HPS5: variants seen among roughly 807,000 people sequenced by gnomAD.
HPS5 encodes BLOC-2 complex member HPS5.
In HPS5, 83 loss-of-function variants were observed where a neutral mutation model predicts 128.0. The observed-to-expected ratio is 0.65, with a 90% CI of 0.54 to 0.78. HPS5 has a LOEUF of 0.78. HPS5 is among the 30% of genes least tolerant of loss of function. The pLI is 0.00. For synonymous variants in HPS5, 475 were observed against 470.2 expected, an observed-to-expected ratio of 1.01 and a Z score of -0.13; for missense variants, 1,281 against 1,326.2, an observed-to-expected ratio of 0.97 and a Z score of 0.53.
chr11:18,297,851 G>A lies in HPS5; in HGVS notation c.1165-134C>T, dbSNP rs770207061. ...TCCCAGCACTCTGGGAGGCCGAGGC[G>A]GGCAGATCCCCCGAGGTCAGGAGTT... On this transcript the variant is annotated intron_variant, in intron 10 of 22. Transcript: ENST00000349215. 3.6e-5 allele frequency: 29 copies of A among 799,236 alleles called. 1 individual carries two copies. The highest frequency in any genetic ancestry group is 5.2e-5 in the Non-Finnish European group (25 of 479,904). The allele number at this position is 799,236 out of a possible 1,614,324, so 49.5% of individuals were successfully genotyped here. A position where few individuals can be genotyped will look rare whatever the true frequency, so the allele number is the denominator to read the frequency against.
chr11:18,306,288 A>G lies in HPS5; in HGVS notation c.671T>C (p.Phe224Ser). Residue 224 changes from phenylalanine (F) to serine (S), a missense_variant, in exon 7 of 23, where the codon TTT (phenylalanine) becomes TCT (serine). Transcript: ENST00000349215. ...CTGGCCCCCAGAACATCTTCCAGGAAAGAAACAAGCTCCATATTCTCCATC... is the reference window on the plus strand; with the variant it reads ...CTGGCCCCCAGAACATCTTCCAGGAGAGAAACAAGCTCCATATTCTCCATC... The part of the protein sequence containing the change: ...ERDGEYGACF[F>S]PGRCSGGQQP... 1 of 1,614,188 alleles carries G rather than the reference A, an allele frequency of 6.2e-7. No individual in the cohort carries two copies. Among genetic ancestry groups the G allele is most frequent in the Non-Finnish European group, 8.5e-7 (1 of 1,180,018 alleles).
chr11:18,300,867 G>T lies in HPS5; in HGVS notation c.946C>A (p.Pro316Thr). 6.3e-7 allele frequency: 1 copy of T among 1,598,944 alleles called. No individual in the cohort carries two copies. The highest frequency in any genetic ancestry group is 8.6e-7 in the Non-Finnish European group (1 of 1,166,358). Residue 316 changes from proline (P) to threonine (T), a missense_variant, in exon 9 of 23, where the codon CCT becomes ACT. By Grantham distance (38) the Pro-to-Thr change is conservative (BLOSUM62 -1). Transcript: ENST00000349215. ...WTERGIYIFIPQNVQVLLWSE... is the reference protein window; with the variant it reads ...WTERGIYIFITQNVQVLLWSE... ...CAAAGAAGAACTTGAACATTCTGAG[G>T]AATGAAAATATAAATTCCTCTTTCT...
At chr11:18,286,525 G>A (rs1216509570) in intron 19 of HPS5, 66 bp downstream of exon 19, 3 of 1,494,306 alleles carry the variant, frequency 2.0e-6, no homozygotes, top group Non-Finnish European at 2.8e-6. Flanking sequence ...CTAGGCGACA[G>A]AGTGAGATCC....
rs1027921232 is a variant in HPS5 at position 18,296,032 on chromosome 11, G to C, written c.1601C>G (p.Ser534Cys). The change falls in exon 13 of 23, where the codon TCT becomes TGT. Residue 534 changes from serine to cysteine, a missense_variant. Transcript: ENST00000349215. ...FGIPLPFRSP[S>C]PLVSLQAVKE... ...GACAGCCTGAAGAGACACAAGAGGA[G>C]ATGGAGAACGAAATGGTAATGGAAT... 2 of 1,613,714 alleles carry C rather than the reference G, an allele frequency of 1.2e-6. No homozygotes were observed. Among genetic ancestry groups the C allele is most frequent in the Non-Finnish European group, 1.7e-6 (2 of 1,179,636 alleles).
chr11:18,315,391 TTGTC>T (rs1397386298), intron 2 of HPS5, among the ~76,000 whole-genome samples: 2 of 151,962 alleles, frequency 1.3e-5, no homozygotes, highest in African/African-American at 2.4e-5. Context: ...GGCAAGAGGA[TTGTC>T]TGAGGCTAGG....
rs1454431203 is a variant in HPS5 at position 18,299,742 on chromosome 11, G to T, written c.986-772C>A. 3.3e-5 allele frequency among the ~76,000 whole-genome samples: 5 copies of T among 152,246 alleles called. No individual in the cohort carries two copies. In the East Asian group the frequency reaches 7.7e-4, roughly 23 times the overall value. ...GGAGTCAAAGTAAGACTTCTGGCAGGGATAAAGACTCAGGGCAATAGAGGG... is the reference window on the plus strand; with the variant it reads ...GGAGTCAAAGTAAGACTTCTGGCAGTGATAAAGACTCAGGGCAATAGAGGG... On this transcript the variant is annotated intron_variant, in intron 9 of 22. Transcript: ENST00000349215.
intron 12 of HPS5, 168 bp downstream of exon 12, chr11:18,296,630 A>G (rs1451018558): frequency 1.0e-5 from 8 of 763,094 alleles, no homozygotes; most frequent in Non-Finnish European, 1.9e-5. Context: ...ACATAAACCA[A>G]CTCTTCTAGT....
intron 14 of HPS5, among the ~76,000 whole-genome samples, chr11:18,293,361 A>G (rs1440498708): frequency 6.6e-6 from 1 of 151,952 alleles, no homozygotes; most frequent in East Asian, 1.9e-4. Context: ...TTTAGTAGAG[A>G]TGGGGTTTCA....
rs1398795119 is a variant in HPS5, at chr11:18,309,020, A to T, written c.537T>A (p.Val179=). 8 of 1,613,794 alleles carry T rather than the reference A, an allele frequency of 5.0e-6. No individual in the cohort carries two copies. The highest frequency in any genetic ancestry group is 6.8e-6 in the Non-Finnish European group (8 of 1,179,836). ...VQTITTVDSC[V]VQLDYLDGRL... The stretch of plus-strand genomic sequence containing the variant: ...TTCCATCCAAATAATCTAACTGTAC[A>T]ACACAGGAGTCAACAGTTGTGATTG... The change falls in exon 6 of 23, where the codon GTT becomes GTA. Residue 179 remains valine, a synonymous_variant. Transcript: ENST00000349215.
chr11:18,302,849 C>T (rs117915289), intron 8 of HPS5, among the ~76,000 whole-genome samples: 1,993 of 101,152 alleles, frequency 0.02, 84 homozygotes, highest in East Asian at 0.15. Context: ...TCAGAGGATC[C>T]CTGAGAAAGA....
chr11:18,317,947 C>T lies in HPS5; in HGVS notation c.-49-40G>A, dbSNP rs1863843073. The T allele has an allele frequency of 4.2e-6, 6 of 1,427,520 alleles. No individual in the cohort carries two copies. The East Asian group carries it at 1.5e-4, about 35-fold the overall frequency. The allele number at this position is 1,427,520 out of a possible 1,614,324, so 88.4% of individuals were successfully genotyped here. The stretch of plus-strand genomic sequence containing the variant: ...CAAAAATATAATTTAAGAAGCCCAC[C>T]ATTCATTTAACATGCATTTAACAAA... On this transcript the variant is annotated intron_variant, in intron 1 of 22. Coordinates refer to ENST00000349215, the MANE Select transcript of HPS5 (RefSeq NM_181507.2).
At chr11:18,300,746 C>A in intron 9 of HPS5, 82 bp downstream of exon 9, 42 of 557,070 alleles carry the variant, frequency 7.5e-5, no homozygotes, top group Non-Finnish European at 1.1e-4. Context: ...TTTTCAACTT[C>A]TTAAATTACA....
chr11:18,286,566 C>T, intron 19 of HPS5, 25 bp downstream of exon 19: 2 of 1,607,786 alleles, frequency 1.2e-6, no homozygotes, highest in Non-Finnish European at 1.7e-6. Flanking sequence ...AAGAAAAAAA[C>T]AAAGAAAGAG....
Position 18,311,434 on chromosome 11 carries a change from T to G in HPS5, c.237A>C (p.Gln79His). The change falls in exon 4 of 23, where the codon CAA (glutamine) becomes CAC (histidine). Residue 79 changes from glutamine to histidine, a missense_variant. Gln to His is a conservative substitution (Grantham distance 24, BLOSUM62 0). Transcript: ENST00000349215. The stretch of plus-strand genomic sequence containing the variant: ...CATCATCATGTAAACAACAGGCGAC[T>G]TGAGAAATTGCACCTTCCTAGAGCA... ...FLSHREGAIS[Q>H]VACCLHDDDY... 1 of 1,607,630 alleles carries G rather than the reference T, an allele frequency of 6.2e-7. No individual in the cohort carries two copies. The highest frequency in any genetic ancestry group is 8.5e-7 in the Non-Finnish European group (1 of 1,175,086).
At chr11:18,302,979 T>C in intron 8 of HPS5, among the ~76,000 whole-genome samples, 1 of 152,244 alleles carries the variant, frequency 6.6e-6, no homozygotes, top group Middle Eastern at 3.4e-3. Context: ...CTGATACTTG[T>C]AATTTATACA....
rs1187598113 is a variant in HPS5 at position 18,287,628 on chromosome 11, A to G, written c.2624T>C (p.Leu875Ser). 1.9e-6 allele frequency: 3 copies of G among 1,614,032 alleles called. No homozygotes were observed. In the African/African-American group the frequency reaches 4.0e-5, roughly 22 times the overall value. ...ACAAAGTTGTATGATATCCGATGGC[A>G]AAATGGATGGAAAGAACTTGATTAA... The part of the protein sequence containing the change: ...RSLIKFFPSI[L>S]PSDIIQLCHH... Residue 875 changes from leucine (L) to serine (S), a missense_variant, in exon 18 of 23, where the codon TTG (leucine) becomes TCG (serine). Leu to Ser is a moderately radical substitution (Grantham distance 145, BLOSUM62 -2). Coordinates refer to ENST00000349215, the MANE Select transcript of HPS5 (RefSeq NM_181507.2).
intron 18 of HPS5, chr11:18,286,943 A>C: frequency 1.6e-6 from 1 of 619,154 alleles, no homozygotes. Flanking sequence ...AGAGAGAGAA[A>C]GAAAGAGACA....
At chr11:18,319,925 AG>A (rs1457387553) in intron 1 of HPS5, among the ~76,000 whole-genome samples, 48 of 152,292 alleles carry the variant, frequency 3.2e-4, no homozygotes, top group African/African-American at 1.1e-3. Context: ...ACCATGGTAC[AG>A]GATCCAAGAG....
intron 2 of HPS5, among the ~76,000 whole-genome samples, chr11:18,315,735 G>A (rs1042096320): frequency 7.2e-5 from 11 of 152,076 alleles, no homozygotes; most frequent in Admixed American, 6.5e-5. Context: ...TCAACAGACC[G>A]GGAGTCATCA....
Sources: allele counts gnomAD v4.1 joint callset (sites outside exome capture counted in the v4.1 genomes callset), GRCh38; gene constraint gnomAD v4.1.1; transcripts MANE v1.5; gene names NCBI Gene and HGNC (gene_info 2026-07-23, HGNC 2026-07-21).